The following VIPR2 variants were observed in gnomAD, a reference collection of about 807,000 sequenced individuals.
VIPR2 encodes the protein vasoactive intestinal peptide receptor 2, also known as vasoactive intestinal polypeptide receptor 2.
In VIPR2, 48 loss-of-function variants were observed where a neutral mutation model predicts 58.0. The observed-to-expected ratio is 0.83, with a 90% confidence interval of 0.66 to 1.05. The LOEUF (loss-of-function observed/expected upper bound fraction) is 1.05, where lower values mean the gene tolerates loss of function less well. Among genes scored for constraint, VIPR2 ranks in the 50% least tolerant of loss-of-function variants. VIPR2 has a pLI of 0.00. For synonymous variants in VIPR2, 243 were observed against 235.2 expected (o/e 1.03, Z -0.30); for missense variants, 534 against 558.0 (o/e 0.96, Z 0.43).
intron 2 of VIPR2, among the ~76,000 whole-genome samples, chr7:159,117,769 A>G (rs1796295333): frequency 6.6e-6 from 1 of 152,176 alleles, no homozygotes; most frequent in Non-Finnish European, 1.5e-5. Context: ...TCAGTGACCA[A>G]GTGTCAGCAG....
At chr7:159,120,068 C>T (rs1306501282) in intron 2 of VIPR2, among the ~76,000 whole-genome samples, 2 of 152,184 alleles carry the variant, frequency 1.3e-5, no homozygotes, top group South Asian at 2.1e-4. Flanking sequence ...CATCTCCCAA[C>T]GTGGGCCCCT....
intron 4 of VIPR2, among the ~76,000 whole-genome samples, chr7:159,084,427 C>T (rs1857068974): frequency 6.6e-6 from 1 of 152,216 alleles, no homozygotes; most frequent in Non-Finnish European, 1.5e-5. Context: ...ATGTGGGGGC[C>T]CCTGGCGCAG....
In VIPR2 at chr7:159,127,029, G is replaced by A. The variant is rs1224906967; in HGVS notation, c.151+15417C>T. The stretch of plus-strand genomic sequence containing the variant: ...AAGAGTCCCCTCCTGGTCCCTAAGA[G>A]AAACAGCTAAGACAGGAGGAGACAA... On this transcript the variant is annotated intron_variant, in intron 2 of 12. Coordinates refer to ENST00000262178, the MANE Select transcript of VIPR2 (RefSeq NM_003382.5). The surrounding 1 kb of genome is among the most constrained non-coding windows in gnomAD (Gnocchi z 4.6). 6.6e-6 allele frequency among the ~76,000 whole-genome samples: 1 copy of A among 152,202 alleles called. No homozygotes were observed. Among genetic ancestry groups the A allele is most frequent in the Non-Finnish European group, 1.5e-5 (1 of 68,034 alleles).
chr7:159,138,887 T>C (rs1045005326), intron 2 of VIPR2, among the ~76,000 whole-genome samples: 11 of 152,236 alleles, frequency 7.2e-5, no homozygotes, highest in African/African-American at 2.7e-4. Flanking sequence ...AGAATTTTCA[T>C]TAATTTGTTC....
At chr7:159,064,130 G>C (rs1214268730) in intron 4 of VIPR2, among the ~76,000 whole-genome samples, 3 of 109,620 alleles carry the variant, frequency 2.7e-5, no homozygotes, top group Non-Finnish European at 7.0e-5. Flanking sequence ...GGGAAGCCGC[G>C]CCCGGCGTGG....
rs543138306 is a variant in VIPR2, at chr7:159,054,614, G to A, written c.455+3867C>T. 5.9e-5 allele frequency among the ~76,000 whole-genome samples: 9 copies of A among 152,326 alleles called. No homozygotes were observed. In the South Asian group the frequency reaches 1.9e-3, roughly 32 times the overall value. ...AATGTAAATTAAAACACCGTTCTAT[G>A]TTATTACAGACGCACAAGAATGGCT... On this transcript the variant is annotated intron_variant, in intron 5 of 12. Transcript: ENST00000262178.
At chr7:159,084,428 C>T (rs1476101726) in intron 4 of VIPR2, among the ~76,000 whole-genome samples, 1 of 152,220 alleles carries the variant, frequency 6.6e-6, no homozygotes, top group Non-Finnish European at 1.5e-5. Flanking sequence ...TGTGGGGGCC[C>T]CTGGCGCAGC....
intron 5 of VIPR2, among the ~76,000 whole-genome samples, chr7:159,044,036 G>A (rs1253241793): frequency 6.6e-6 from 1 of 152,238 alleles, no homozygotes; most frequent in African/African-American, 2.4e-5. Flanking sequence ...ATCTCAGGCT[G>A]CTCTTTGGGC....
rs1563350441 is a variant in VIPR2, at chr7:159,127,760, C to A, written c.151+14686G>T. On this transcript the variant is annotated intron_variant, in intron 2 of 12. Transcript: ENST00000262178. The surrounding 1 kb of genome is among the most constrained non-coding windows in gnomAD (Gnocchi z 4.6). ...TCTTCCAGATGTTTGCTGTTATTAC[C>A]TTCATGGACAGCCAGTGCTTCCTTC... Among the ~76,000 whole-genome samples the A allele has an allele frequency of 6.6e-6, 1 of 152,206 alleles. No homozygotes were observed. The highest frequency in any genetic ancestry group is 1.5e-5 in the Non-Finnish European group (1 of 68,040).
chr7:159,106,779 G>A (rs1795751828), intron 3 of VIPR2, among the ~76,000 whole-genome samples: 1 of 148,690 alleles, frequency 6.7e-6, no homozygotes, highest in Non-Finnish European at 1.5e-5. Flanking sequence ...AGAGGCCGGG[G>A]AGGTAGAGAG....
At position 159,031,183 on chromosome 7, in the gene VIPR2, G is replaced by A. The variant is rs1003100868; in HGVS notation, c.1144-394C>T. On this transcript the variant is annotated intron_variant, in intron 12 of 12. Transcript: ENST00000262178. The surrounding 1 kb of genome is among the most constrained non-coding windows in gnomAD (Gnocchi z 4.0). The stretch of plus-strand genomic sequence containing the variant: ...CAGGGAATGTTAGCCCTGGGAGGGG[G>A]TGGGGATGAGTGAGGGGTGCCCGGA... 5.3e-5 allele frequency among the ~76,000 whole-genome samples: 8 copies of A among 152,212 alleles called. No individual in the cohort carries two copies. Among genetic ancestry groups the A allele is most frequent in the Non-Finnish European group, 1.0e-4 (7 of 68,042 alleles).
At chr7:159,059,913 CTCATCTAACCATCCCCT>C (rs1399981154) in intron 4 of VIPR2, among the ~76,000 whole-genome samples, 1 of 150,226 alleles carries the variant, frequency 6.7e-6, no homozygotes. Context: ...CCATTCTCAA[CTCATCTAACCATCCCCT>C]TCACCTAACC....
intron 6 of VIPR2, among the ~76,000 whole-genome samples, chr7:159,041,010 T>C (rs73169215): frequency 0.11 from 16,959 of 152,268 alleles, 1,058 homozygotes; most frequent in East Asian, 0.19. Context: ...GAGCTTGACT[T>C]GGGGCACTGG....
intron 4 of VIPR2, among the ~76,000 whole-genome samples, chr7:159,080,132 C>T (rs1436992718): frequency 6.6e-6 from 1 of 152,166 alleles, no homozygotes; most frequent in Non-Finnish European, 1.5e-5. Flanking sequence ...CCAGCATCAT[C>T]CTGATACCAA....
chr7:159,053,077 G>C (rs1855099299), intron 5 of VIPR2, among the ~76,000 whole-genome samples: 1 of 151,988 alleles, frequency 6.6e-6, no homozygotes, highest in Admixed American at 6.6e-5. Flanking sequence ...ATCCATAAAT[G>C]GATTTAGTGA....
At chr7:159,086,020 G>T (rs1857152303) in intron 4 of VIPR2, among the ~76,000 whole-genome samples, 1 of 152,150 alleles carries the variant, frequency 6.6e-6, no homozygotes, top group South Asian at 2.1e-4. Flanking sequence ...ACAACAAGGG[G>T]TCAATATTAT....
In VIPR2 at chr7:159,068,323, T is replaced by C. The variant is rs928578176; in HGVS notation, c.358-9745A>G. 5.3e-5 allele frequency among the ~76,000 whole-genome samples: 8 copies of C among 152,162 alleles called. No homozygotes were observed. The East Asian group carries it at 1.3e-3, about 26-fold the overall frequency. On this transcript the variant is annotated intron_variant, in intron 4 of 12. Coordinates refer to ENST00000262178, the MANE Select transcript of VIPR2 (RefSeq NM_003382.5). ...TCACATGTTTTTCCTTTAAGGGGAA[T>C]AGAACTAATTAAAATCTGTCAGAGA... is the stretch of plus-strand genomic sequence containing the variant.
chr7:159,064,182 G>C (rs1306426051), intron 4 of VIPR2, among the ~76,000 whole-genome samples: 1 of 152,092 alleles, frequency 6.6e-6, no homozygotes, highest in Non-Finnish European at 1.5e-5. Flanking sequence ...GCGGCTGCTG[G>C]GGTGGGAGAG....
At chr7:159,032,194 A>G in intron 10 of VIPR2, 127 bp from the exon 11 acceptor site, 1 of 1,328,630 alleles carries the variant, frequency 7.5e-7, no homozygotes, top group South Asian at 1.4e-5. Flanking sequence ...CCACTGCTGG[A>G]GTCCCCGCCC....
Sources: allele counts gnomAD v4.1 joint callset (sites outside exome capture counted in the v4.1 genomes callset), GRCh38; gene constraint gnomAD v4.1.1; non-coding constraint Gnocchi (gnomAD v3.1); transcripts MANE v1.5; gene names NCBI Gene and HGNC (gene_info 2026-07-23, HGNC 2026-07-21).